Variants in ADAM23 observed in about 807,000 individuals in gnomAD.
The protein encoded by ADAM23 is disintegrin and metalloproteinase domain-containing protein 23.
In ADAM23, 33 loss-of-function variants were observed where a neutral mutation model predicts 120.1. The ratio of observed to expected loss-of-function variants is 0.27; its 90% CI spans 0.21 to 0.37. The LOEUF (loss-of-function observed/expected upper bound fraction) is 0.37. ADAM23 is among the 10% of genes least tolerant of loss of function. The probability of loss-of-function intolerance (pLI) is 1.00; values close to 1 mark genes in which losing one functional copy is unlikely to be tolerated. For missense variants in ADAM23, 862 were observed against 1,058.2 expected (o/e 0.81, Z 2.57); for synonymous variants, 367 against 375.2 (o/e 0.98, Z 0.25).
chr2:206,474,017 A>C (rs942360946), intron 2 of ADAM23, among the ~76,000 whole-genome samples: 2 of 147,916 alleles, frequency 1.4e-5, no homozygotes, highest in Admixed American at 6.6e-5. Context: ...GTCTCAAAAA[A>C]AAAAAAACAA....
chr2:206,460,819 T>C (rs1426428730), intron 2 of ADAM23, among the ~76,000 whole-genome samples: 3 of 152,240 alleles, frequency 2.0e-5, no homozygotes, highest in African/African-American at 7.2e-5. Context: ...TGCCAAATCC[T>C]ATGTTATGAA....
chr2:206,514,008 T>C (rs1367107452), intron 3 of ADAM23, among the ~76,000 whole-genome samples: 3 of 152,194 alleles, frequency 2.0e-5, no homozygotes, highest in Non-Finnish European at 4.4e-5. Flanking sequence ...TTTTAAAATA[T>C]TACTGCTCAT....
chr2:206,612,691 C>G (rs1361225326), intron 25 of ADAM23, among the ~76,000 whole-genome samples: 1 of 152,186 alleles, frequency 6.6e-6, no homozygotes, highest in Non-Finnish European at 1.5e-5. Flanking sequence ...ATGAGAAATA[C>G]AGCTATGCTC....
Position 206,550,836 on chromosome 2 carries a change from C to T in ADAM23, c.933+676C>T, listed in dbSNP as rs1294499893. Among the ~76,000 whole-genome samples, 3 of 152,148 alleles carry T rather than the reference C, an allele frequency of 2.0e-5. No individual in the cohort carries two copies. The East Asian group carries it at 5.8e-4, about 29-fold the overall frequency. On this transcript the variant is annotated intron_variant, in intron 9 of 25. Transcript: ENST00000264377. ...GAGGATGGTCTCGATCTCCTGACCT[C>T]GTGATCCGCCTGCCTCGGCCTCCCA...
Position 206,495,986 on chromosome 2 carries a change from C to A in ADAM23, c.509+14678C>A, listed in dbSNP as rs1696237654. ...TATATATGCACCCAATACAGGAGCA[C>A]CCAGATTCATAAAGCAAGTCCTTAG... On this transcript the variant is annotated intron_variant, in intron 3 of 25. Coordinates refer to ENST00000264377, the MANE Select transcript of ADAM23 (RefSeq NM_003812.4). Among the ~76,000 whole-genome samples the A allele has an allele frequency of 2.6e-5, 4 of 152,206 alleles. No individual in the cohort carries two copies. The South Asian group carries it at 8.3e-4, about 32-fold the overall frequency.
chr2:206,557,371 T>TGAAATTTATTATTC, intron 9 of ADAM23, 56 bp from the exon 10 acceptor site: 1 of 1,369,910 alleles, frequency 7.3e-7, no homozygotes, highest in South Asian at 1.2e-5. Context: ...TACAGCATTT[T>TGAAATTTATTATTC]GAAATTTATT....
At chr2:206,477,891 A>ATATATATATATATATATATATATATAT (rs1229595648) in intron 2 of ADAM23, among the ~76,000 whole-genome samples, 3 of 94,414 alleles carry the variant, frequency 3.2e-5, no homozygotes, top group African/African-American at 5.0e-5. Context: ...AAAAAAAAAA[A>ATATATATATATATATATATATATATAT]AAAAAAATAT....
At chr2:206,498,365 A>G (rs1696305201) in intron 3 of ADAM23, among the ~76,000 whole-genome samples, 1 of 152,184 alleles carries the variant, frequency 6.6e-6, no homozygotes, top group Non-Finnish European at 1.5e-5. Context: ...CAACTATCTG[A>G]TCTTTGACAA....
At chr2:206,461,063 CTT>C (rs565925215) in intron 2 of ADAM23, among the ~76,000 whole-genome samples, 16 of 137,056 alleles carry the variant, frequency 1.2e-4, no homozygotes, top group Admixed American at 1.5e-4. Flanking sequence ...TTTTCTTCTT[CTT>C]TTTTTTTTTT....
intron 3 of ADAM23, among the ~76,000 whole-genome samples, chr2:206,508,064 C>G (rs1328581874): frequency 6.6e-6 from 1 of 152,094 alleles, no homozygotes; most frequent in Non-Finnish European, 1.5e-5. Context: ...GAGTCTCGCT[C>G]TGTTTCCCAG....
intron 3 of ADAM23, among the ~76,000 whole-genome samples, chr2:206,483,137 G>A (rs1289624922): frequency 6.6e-6 from 1 of 152,178 alleles, no homozygotes; most frequent in Non-Finnish European, 1.5e-5. Context: ...TAAGAGGCGT[G>A]GAGAGGGAAT....
chr2:206,525,607 T>C (rs577426588), intron 3 of ADAM23, among the ~76,000 whole-genome samples: 13 of 152,154 alleles, frequency 8.5e-5, no homozygotes, highest in African/African-American at 3.1e-4. Context: ...TTTGTTTTAT[T>C]CTGAGACAGA....
chr2:206,619,657 ATG>A lies in ADAM23; in HGVS notation c.*2032_*2033del, dbSNP rs1305568625. ...TACAACTTTGATTTTGGAAAGTATT[ATG>A]TCCTAAAAATGCACTGCTTAACACA... On this transcript the variant is annotated 3_prime_UTR_variant, in exon 26 of 26. Coordinates refer to ENST00000264377, the MANE Select transcript of ADAM23 (RefSeq NM_003812.4). The A allele has an allele frequency of 6.6e-6, 1 of 152,156 alleles. No homozygotes were observed. The highest frequency in any genetic ancestry group is 1.5e-5 in the Non-Finnish European group (1 of 68,030). 9.4% of individuals were successfully genotyped at this position (152,156 alleles called of 1,614,324 possible). A position where few individuals can be genotyped will look rare whatever the true frequency, so the allele number is the denominator to read the frequency against.
chr2:206,497,766 C>T lies in ADAM23; in HGVS notation c.509+16458C>T, dbSNP rs376237132. Among the ~76,000 whole-genome samples the T allele has an allele frequency of 1.6e-4, 24 of 152,262 alleles. No homozygotes were observed. The East Asian group carries it at 4.4e-3, about 28-fold the overall frequency. ...TATCTAGAAAACCCCATCATCTCAGCCCAAAATCTCCTTAAGCTGATAAGC... is the reference window on the plus strand; with the variant it reads ...TATCTAGAAAACCCCATCATCTCAGTCCAAAATCTCCTTAAGCTGATAAGC... On this transcript the variant is annotated intron_variant, in intron 3 of 25. Coordinates refer to ENST00000264377, the MANE Select transcript of ADAM23 (RefSeq NM_003812.4).
At chr2:206,612,174 C>A in intron 25 of ADAM23, among the ~76,000 whole-genome samples, 1 of 152,212 alleles carries the variant, frequency 6.6e-6, no homozygotes, top group Middle Eastern at 3.4e-3. Flanking sequence ...TACATGAGGA[C>A]CTTAATTTGC....
At chr2:206,518,041 A>T (rs540740514) in intron 3 of ADAM23, among the ~76,000 whole-genome samples, 5 of 152,302 alleles carry the variant, frequency 3.3e-5, no homozygotes, top group African/African-American at 1.2e-4. Context: ...TGTGAGTAAG[A>T]TAGTCTACAT....
At chr2:206,589,633 TTAAAG>T in intron 21 of ADAM23, 119 bp downstream of exon 21, 2 of 701,134 alleles carry the variant, frequency 2.9e-6, no homozygotes, top group Admixed American at 6.2e-5. Flanking sequence ...ATTCCAAAAT[TTAAAG>T]TATTTATTTT....
At chr2:206,490,958 A>T (rs1480185523) in intron 3 of ADAM23, among the ~76,000 whole-genome samples, 1 of 152,178 alleles carries the variant, frequency 6.6e-6, no homozygotes, top group African/African-American at 2.4e-5. Context: ...TTCTGGTTCT[A>T]TTTACTTAGG....
At chr2:206,510,386 A>G (rs1354876934) in intron 3 of ADAM23, among the ~76,000 whole-genome samples, 1 of 152,088 alleles carries the variant, frequency 6.6e-6, no homozygotes, top group Non-Finnish European at 1.5e-5. Flanking sequence ...CTCAGATTGT[A>G]TATTTAAGAA....
Sources: gnomAD v4.1 joint callset for allele counts (sites outside exome capture counted in the v4.1 genomes callset) on GRCh38, gnomAD v4.1.1 for gene constraint, MANE v1.5 for transcripts, NCBI Gene and HGNC (gene_info 2026-07-23, HGNC 2026-07-21) for gene names.